DMXL1: variants seen among roughly 807,000 people sequenced by gnomAD.
DMXL1 encodes Dmx like 1, also known as dmX-like protein 1.
In DMXL1, 99 loss-of-function variants were observed where a neutral mutation model predicts 319.2. That is an observed-to-expected ratio of 0.31 (90% CI 0.26 to 0.37). DMXL1 has a LOEUF of 0.37. Among genes scored for constraint, DMXL1 ranks in the 10% least tolerant of loss-of-function variants. The pLI, the probability that DMXL1 is intolerant of heterozygous loss-of-function variation, is 1.00. For missense variants in DMXL1, 3,745 were observed against 3,595.6 expected, an observed-to-expected ratio of 1.04 and a Z score of -1.06; for synonymous variants, 1,385 against 1,235.2, an observed-to-expected ratio of 1.12 and a Z score of -2.54.
chr5:119,118,919 G>A lies in DMXL1; in HGVS notation c.848G>A (p.Cys283Tyr), dbSNP rs1459725642. 6.2e-7 allele frequency: 1 copy of A among 1,613,750 alleles called. No individual in the cohort carries two copies. The highest frequency in any genetic ancestry group is 1.7e-5 in the Admixed American group (1 of 60,006). Residue 283 changes from cysteine to tyrosine, a missense_variant, in exon 8 of 44, where the codon TGC becomes TAC. By Grantham distance (194) the Cys-to-Tyr change is radical (BLOSUM62 -2). This residue lies in a region of DMXL1 where 2,096 missense variants were observed against 1,985.4 expected (regional missense o/e 1.06). Coordinates refer to ENST00000539542, the MANE Select transcript of DMXL1 (RefSeq NM_001290321.3). ...GATTGTTTGCTATACGGAGGTGACT[G>A]CAGCCATTGGACTGAATCAATTAAT... is the stretch of plus-strand genomic sequence containing the variant. ...PNDCLLYGGD[C>Y]SHWTESINLT...
chr5:119,193,342 A>G (rs566506405), intron 29 of DMXL1, among the ~76,000 whole-genome samples: 27 of 152,026 alleles, frequency 1.8e-4, no homozygotes, highest in Non-Finnish European at 3.4e-4. Flanking sequence ...TTTCTGCATT[A>G]TTTTTCCCCT....
chr5:119,224,081 C>T (rs1344482649), intron 37 of DMXL1, among the ~76,000 whole-genome samples: 1 of 151,970 alleles, frequency 6.6e-6, no homozygotes, highest in Non-Finnish European at 1.5e-5. Flanking sequence ...TTCTCCCTAC[C>T]AACTCCCCAC....
intron 28 of DMXL1, among the ~76,000 whole-genome samples, chr5:119,188,518 A>C (rs1778154714): frequency 6.6e-6 from 1 of 152,260 alleles, no homozygotes. Context: ...CTCACTTTTC[A>C]CTTGATGAGA....
chr5:119,210,392 GT>G (rs1267079890), intron 34 of DMXL1, among the ~76,000 whole-genome samples: 1 of 152,154 alleles, frequency 6.6e-6, no homozygotes, highest in African/African-American at 2.4e-5. Context: ...TGTTCTAAGT[GT>G]TTTTGAGTTT....
At chr5:119,142,939 T>G (rs1767742452) in intron 13 of DMXL1, among the ~76,000 whole-genome samples, 1 of 152,044 alleles carries the variant, frequency 6.6e-6, no homozygotes, top group South Asian at 2.1e-4. Context: ...GAGGCCATTC[T>G]TTAAGGAGGC....
intron 38 of DMXL1, among the ~76,000 whole-genome samples, chr5:119,228,427 A>G (rs991013246): frequency 6.6e-6 from 1 of 152,222 alleles, no homozygotes; most frequent in African/African-American, 2.4e-5. Context: ...GTGGCATACA[A>G]TATTTTAACA....
chr5:119,196,499 G>A, intron 31 of DMXL1, 43 bp downstream of exon 31: 1 of 1,188,266 alleles, frequency 8.4e-7, no homozygotes, highest in Non-Finnish European at 1.2e-6. Flanking sequence ...CATTGCTTTT[G>A]ACTTACTACT....
chr5:119,176,305 A>C (rs916422082), intron 26 of DMXL1, among the ~76,000 whole-genome samples: 2 of 151,932 alleles, frequency 1.3e-5, no homozygotes, highest in Admixed American at 1.3e-4. Context: ...TATTTCTTAC[A>C]TGGTGTCAGC....
rs772611665 is a variant in DMXL1, at chr5:119,177,437, G to T, written c.6839G>T (p.Ser2280Ile). ...LPHRPSLKTG[S>I]LDEALTPNTS... Reference sequence around the variant, plus strand: ...CATCGACCTTCTTTGAAAACAGGAAGCTTAGATGAAGCATTAACTCCCAAT... The same window carrying T: ...CATCGACCTTCTTTGAAAACAGGAATCTTAGATGAAGCATTAACTCCCAAT... The change falls in exon 27 of 44, where the codon AGC becomes ATC. Residue 2280 changes from serine to isoleucine, a missense_variant. Around this residue, in one of 4 missense-constraint regions of DMXL1, gnomAD observed 1,382 missense variants for 1,269.5 expected, o/e 1.09. Coordinates refer to ENST00000539542, the MANE Select transcript of DMXL1 (RefSeq NM_001290321.3). 1.4e-5 allele frequency: 22 copies of T among 1,609,340 alleles called. No homozygotes were observed. In the Admixed American group the frequency reaches 3.7e-4, roughly 27 times the overall value.
At chr5:119,125,889 A>T (rs1763443132) in intron 9 of DMXL1, among the ~76,000 whole-genome samples, 2 of 152,240 alleles carry the variant, frequency 1.3e-5, no homozygotes, top group Non-Finnish European at 2.9e-5. Flanking sequence ...AATCCAAAAC[A>T]AACAAAGGTT....
chr5:119,143,001 C>T (rs1767753192), intron 13 of DMXL1, among the ~76,000 whole-genome samples: 1 of 151,992 alleles, frequency 6.6e-6, no homozygotes, highest in African/African-American at 2.4e-5. Context: ...TGCATGTTCT[C>T]ACTTACAAGT....
chr5:119,126,358 T>A (rs559812000), intron 9 of DMXL1, among the ~76,000 whole-genome samples: 6 of 152,166 alleles, frequency 3.9e-5, no homozygotes, highest in Non-Finnish European at 8.8e-5. Context: ...TATATTATAA[T>A]TATCAAAAAA....
chr5:119,095,820 A>G (rs1164731103), intron 1 of DMXL1, among the ~76,000 whole-genome samples: 7 of 152,200 alleles, frequency 4.6e-5, no homozygotes, highest in Non-Finnish European at 8.8e-5. Context: ...TTTATATAGG[A>G]GAGGAGATCA....
At chr5:119,132,693 G>T in intron 10 of DMXL1, 1 of 445,994 alleles carries the variant, frequency 2.2e-6, no homozygotes. Context: ...AAAAAAAATG[G>T]AGCAAGTCCC....
chr5:119,236,030 T>C (rs1481965440), intron 39 of DMXL1, among the ~76,000 whole-genome samples: 1 of 151,892 alleles, frequency 6.6e-6, no homozygotes, highest in Non-Finnish European at 1.5e-5. Context: ...AGTAGGTTAA[T>C]ATTCATAATA....
At chr5:119,223,093 A>AT (rs1784925239) in intron 37 of DMXL1, among the ~76,000 whole-genome samples, 1 of 135,940 alleles carries the variant, frequency 7.4e-6, no homozygotes, top group African/African-American at 3.0e-5. Flanking sequence ...GTCTCGCTCT[A>AT]TTGCCCAGTC....
chr5:119,227,125 A>G (rs1785728790), intron 38 of DMXL1, among the ~76,000 whole-genome samples: 1 of 152,204 alleles, frequency 6.6e-6, no homozygotes, highest in Admixed American at 6.5e-5. Flanking sequence ...GCATAAATTC[A>G]GGTGCTCTTC....
chr5:119,160,152 T>C (rs1163598193), intron 19 of DMXL1, among the ~76,000 whole-genome samples: 1 of 152,114 alleles, frequency 6.6e-6, no homozygotes, highest in Non-Finnish European at 1.5e-5. Context: ...TATATATATA[T>C]ATGGGGGGAG....
chr5:119,208,779 A>C (rs915019731), intron 34 of DMXL1, among the ~76,000 whole-genome samples: 6 of 152,186 alleles, frequency 3.9e-5, no homozygotes, highest in South Asian at 2.1e-4. Flanking sequence ...ATGTATATAC[A>C]CTAGCGAAGC....
Sources: allele counts gnomAD v4.1 joint callset (sites outside exome capture counted in the v4.1 genomes callset), GRCh38; gene constraint gnomAD v4.1.1; regional missense constraint gnomAD v4.1.1; transcripts MANE v1.5; gene names NCBI Gene and HGNC (gene_info 2026-07-23, HGNC 2026-07-21).